MAPDA: variants seen among roughly 807,000 people sequenced by gnomAD.
The protein encoded by MAPDA is N6-Methyl-AMP deaminase, also known as N6,N6-dimethyl-AMP deaminase.
the MAPDA span, chr15:43,353,054 C>G: frequency 6.6e-6 from 1 of 151,456 alleles, no homozygotes; most frequent in Admixed American, 6.6e-5. Context: ...GCTTTTATTA[C>G]ATTTTCTTTG....
At chr15:43,344,586 A>G in the MAPDA span, among the ~76,000 whole-genome samples, 5 of 152,298 alleles carry the variant, frequency 3.3e-5, no homozygotes, top group African/African-American at 1.2e-4. Flanking sequence ...ACATGGGCAG[A>G]TCACCTGAGG....
the MAPDA span, chr15:43,352,886 A>G: frequency 2.0e-5 from 3 of 151,736 alleles, no homozygotes; most frequent in Non-Finnish European, 2.9e-5. Context: ...CATTGCTCCA[A>G]TTTTGGAAGA....
At chr15:43,346,953 G>A in the MAPDA span, 633 of 1,229,698 alleles carry the variant, frequency 5.1e-4, no homozygotes, top group Admixed American at 8.5e-4. Context: ...TTGGAATGGA[G>A]TACTCAGTTC....
chr15:43,340,829 G>A, the MAPDA span, among the ~76,000 whole-genome samples: 1 of 152,202 alleles, frequency 6.6e-6, no homozygotes, highest in Non-Finnish European at 1.5e-5. Context: ...TCTGAGAAAA[G>A]GATACCTGCT....
the MAPDA span, chr15:43,330,689 C>A: frequency 7.8e-6 from 4 of 509,952 alleles, no homozygotes; most frequent in African/African-American, 4.0e-5. Flanking sequence ...GTGCTAAGTT[C>A]GCTTGCGGCT....
chr15:43,341,330 G>A, the MAPDA span, among the ~76,000 whole-genome samples: 1 of 152,154 alleles, frequency 6.6e-6, no homozygotes, highest in African/African-American at 2.4e-5. Context: ...GGAGAGAAGA[G>A]CCAACTCATA....
the MAPDA span, among the ~76,000 whole-genome samples, chr15:43,341,636 C>G: frequency 4.7e-5 from 7 of 147,656 alleles, no homozygotes; most frequent in African/African-American, 1.8e-4. Flanking sequence ...GCCAGAAGTT[C>G]GAGACCAGCC....
the MAPDA span, chr15:43,330,433 G>C: frequency 1.3e-6 from 2 of 1,557,082 alleles, no homozygotes; most frequent in African/African-American, 1.4e-5. Flanking sequence ...TGAGGGCGCT[G>C]CTGTCGTTGG....
At chr15:43,339,476 T>C in the MAPDA span, among the ~76,000 whole-genome samples, 8 of 152,330 alleles carry the variant, frequency 5.3e-5, no homozygotes, top group South Asian at 1.7e-3. Flanking sequence ...AGCCAGCCCC[T>C]CTTGCTTTGC....
the MAPDA span, chr15:43,333,465 A>G: frequency 6.6e-6 from 1 of 151,872 alleles, no homozygotes; most frequent in Admixed American, 6.6e-5. Context: ...TAAATCATTT[A>G]TGTTTTTCGG....
the MAPDA span, among the ~76,000 whole-genome samples, chr15:43,340,770 A>G: frequency 6.6e-6 from 1 of 152,352 alleles, no homozygotes; most frequent in Non-Finnish European, 1.5e-5. Flanking sequence ...GGAAGGAAAC[A>G]AAGGCCTGCA....
chr15:43,333,046 T>G, the MAPDA span, among the ~76,000 whole-genome samples: 1 of 152,188 alleles, frequency 6.6e-6, no homozygotes, highest in Non-Finnish European at 1.5e-5. Flanking sequence ...AGTGGGTCAG[T>G]AAATTTACTC....
the MAPDA span, among the ~76,000 whole-genome samples, chr15:43,338,412 T>G: frequency 5.3e-5 from 8 of 152,238 alleles, no homozygotes; most frequent in Admixed American, 2.0e-4. Context: ...CCAGACATTA[T>G]TCTTAGGACT....
At chr15:43,331,708 T>C in the MAPDA span, among the ~76,000 whole-genome samples, 2 of 152,240 alleles carry the variant, frequency 1.3e-5, no homozygotes, top group African/African-American at 4.8e-5. Context: ...AGCTCATTAA[T>C]GGCCTTAGGG....
the MAPDA span, chr15:43,350,991 C>A: frequency 3.9e-6 from 6 of 1,551,626 alleles, no homozygotes; most frequent in Non-Finnish European, 5.2e-6. Context: ...ATCTTATGAC[C>A]AGCACCATTT....
the MAPDA span, among the ~76,000 whole-genome samples, chr15:43,349,577 A>T: frequency 6.6e-6 from 1 of 152,220 alleles, no homozygotes; most frequent in East Asian, 1.9e-4. Context: ...AAACAAATAT[A>T]CAAGAAAGTA....
At chr15:43,341,627 C>T in the MAPDA span, among the ~76,000 whole-genome samples, 1 of 150,710 alleles carries the variant, frequency 6.6e-6, no homozygotes, top group Non-Finnish European at 1.5e-5. Context: ...TCACTTGACG[C>T]CAGAAGTTCG....
the MAPDA span, among the ~76,000 whole-genome samples, chr15:43,335,382 A>G: frequency 6.6e-6 from 1 of 152,076 alleles, no homozygotes; most frequent in Non-Finnish European, 1.5e-5. Context: ...CTAAAAATAC[A>G]AAAATTCGCT....
chr15:43,342,375 G>A, the MAPDA span, among the ~76,000 whole-genome samples: 1 of 150,832 alleles, frequency 6.6e-6, no homozygotes, highest in Non-Finnish European at 1.5e-5. Flanking sequence ...CTAAGCCCGA[G>A]CAGGATTGAG....
Sources: gnomAD v4.1 joint callset for allele counts (sites outside exome capture counted in the v4.1 genomes callset) on GRCh38, gnomAD v4.1.1 for gene constraint, MANE v1.5 for transcripts, NCBI Gene and HGNC (gene_info 2026-07-23, HGNC 2026-07-21) for gene names.